SMYD3: variants seen among roughly 807,000 people sequenced by gnomAD.
The protein encoded by SMYD3 is SET and MYND domain containing 3.
In SMYD3, 36 loss-of-function variants were observed where a neutral mutation model predicts 57.7. That is an observed-to-expected ratio of 0.62 (90% CI 0.48 to 0.82). SMYD3 has a LOEUF of 0.82. Ranked by LOEUF, SMYD3 falls within the 40% of genes least tolerant of loss-of-function variation. SMYD3 has a pLI of 0.00. For missense variants in SMYD3, 515 were observed against 538.8 expected (o/e 0.96, Z 0.44); for synonymous variants, 211 against 195.0 (o/e 1.08, Z -0.68).
chr1:246,381,491 A>T (rs1469210718), intron 1 of SMYD3, among the ~76,000 whole-genome samples: 1 of 152,212 alleles, frequency 6.6e-6, no homozygotes, highest in African/African-American at 2.4e-5. Context: ...AGTTGCATAC[A>T]CAAACCGCAA....
chr1:245,767,982 T>C (rs1397632887), intron 10 of SMYD3, among the ~76,000 whole-genome samples: 1 of 152,066 alleles, frequency 6.6e-6, no homozygotes, highest in Non-Finnish European at 1.5e-5. Flanking sequence ...AAGAAGGACT[T>C]GGTACAAGAA....
intron 5 of SMYD3, among the ~76,000 whole-genome samples, chr1:246,089,180 T>C (rs969311572): frequency 4.6e-5 from 7 of 152,076 alleles, no homozygotes; most frequent in African/African-American, 1.7e-4. Context: ...GGTCTCACCA[T>C]GTTGCCCAGG....
At chr1:245,955,130 C>T (rs977188830) in intron 5 of SMYD3, among the ~76,000 whole-genome samples, 6 of 152,172 alleles carry the variant, frequency 3.9e-5, no homozygotes, top group Non-Finnish European at 4.4e-5. Context: ...CTCGCTCTGT[C>T]GCCCAGGCTG....
At chr1:245,984,673 T>A (rs1459677339) in intron 5 of SMYD3, among the ~76,000 whole-genome samples, 2 of 152,242 alleles carry the variant, frequency 1.3e-5, no homozygotes, top group African/African-American at 2.4e-5. Context: ...CAGAGCAGAC[T>A]CTGAGAACAA....
chr1:246,307,032 T>C (rs755305375), intron 5 of SMYD3, among the ~76,000 whole-genome samples: 1 of 152,274 alleles, frequency 6.6e-6, no homozygotes, highest in South Asian at 2.1e-4. Flanking sequence ...GAGCAATATA[T>C]TCTGAGAAAC....
chr1:245,856,336 T>C (rs909941470), intron 10 of SMYD3, among the ~76,000 whole-genome samples: 22 of 152,322 alleles, frequency 1.4e-4, no homozygotes, highest in African/African-American at 4.8e-4. Flanking sequence ...TCAATGCAGA[T>C]TGGATTTCTT....
chr1:246,084,195 C>CTTTT (rs772938424), intron 5 of SMYD3, among the ~76,000 whole-genome samples: 4 of 135,486 alleles, frequency 3.0e-5, no homozygotes, highest in African/African-American at 1.1e-4. Context: ...CTGACAATTC[C>CTTTT]TTTTTTTTTT....
At chr1:246,092,128 T>C (rs2060833644) in intron 5 of SMYD3, among the ~76,000 whole-genome samples, 1 of 152,228 alleles carries the variant, frequency 6.6e-6, no homozygotes. Context: ...ATGTATGTGG[T>C]ATTATACTTC....
chr1:245,960,006 G>A (rs10924406), intron 5 of SMYD3, among the ~76,000 whole-genome samples: 18,923 of 152,000 alleles, frequency 0.12, 1,508 homozygotes, highest in East Asian at 0.41. Flanking sequence ...TCTCAAACTC[G>A]TGACTCAAAT....
intron 5 of SMYD3, among the ~76,000 whole-genome samples, chr1:246,324,301 G>C (rs2065301274): frequency 6.6e-6 from 1 of 151,728 alleles, no homozygotes; most frequent in African/African-American, 2.4e-5. Context: ...TGTAATCCCA[G>C]CTCCTTGGGA....
chr1:246,468,168 A>G (rs2067907291), intron 1 of SMYD3, among the ~76,000 whole-genome samples: 2 of 151,654 alleles, frequency 1.3e-5, no homozygotes, highest in East Asian at 3.9e-4. Flanking sequence ...CTTAAAAAAA[A>G]AAAAAAAAGA....
chr1:246,196,942 A>G (rs2062837467), intron 5 of SMYD3, among the ~76,000 whole-genome samples: 3 of 152,118 alleles, frequency 2.0e-5, no homozygotes, highest in Non-Finnish European at 4.4e-5. Flanking sequence ...CAGGAAACAT[A>G]AAAAATAAGC....
intron 5 of SMYD3, among the ~76,000 whole-genome samples, chr1:245,982,145 G>A (rs998721039): frequency 6.7e-6 from 1 of 149,852 alleles, no homozygotes; most frequent in African/African-American, 2.4e-5. Flanking sequence ...ATCACATTTC[G>A]AGTTTTTGAG....
intron 5 of SMYD3, among the ~76,000 whole-genome samples, chr1:246,113,072 CTCAGGA>C: frequency 6.6e-6 from 1 of 152,158 alleles, no homozygotes; most frequent in South Asian, 2.1e-4. Context: ...ATCTCAGATA[CTCAGGA>C]GGCTGAGGCA....
At chr1:246,199,478 T>C (rs1558309808) in intron 5 of SMYD3, among the ~76,000 whole-genome samples, 2 of 152,260 alleles carry the variant, frequency 1.3e-5, no homozygotes, top group African/African-American at 4.8e-5. Context: ...CAGGGAACTT[T>C]GGTATACAGC....
At chr1:245,954,034 A>G (rs1410864372) in intron 5 of SMYD3, among the ~76,000 whole-genome samples, 1 of 152,252 alleles carries the variant, frequency 6.6e-6, no homozygotes, top group Non-Finnish European at 1.5e-5. Context: ...TGAAAGTAAT[A>G]CTTGGAAGCA....
intron 5 of SMYD3, chr1:245,953,366 T>C: frequency 1.0e-6 from 1 of 981,702 alleles, no homozygotes; most frequent in Non-Finnish European, 1.2e-6. Context: ...CTGAAAAAAA[T>C]AAAAAGTGAG....
intron 5 of SMYD3, among the ~76,000 whole-genome samples, chr1:246,018,262 G>T (rs1037985419): frequency 6.6e-6 from 1 of 152,104 alleles, no homozygotes; most frequent in East Asian, 1.9e-4. Context: ...TTTTATTCCA[G>T]TTCCTTCCCT....
chr1:245,979,382 AT>A (rs2058539652), intron 5 of SMYD3, among the ~76,000 whole-genome samples: 1 of 152,226 alleles, frequency 6.6e-6, no homozygotes, highest in Non-Finnish European at 1.5e-5. Flanking sequence ...TTATTTGGAA[AT>A]AAAGTCACTG....
Sources: gnomAD v4.1 joint callset for allele counts (sites outside exome capture counted in the v4.1 genomes callset) on GRCh38, gnomAD v4.1.1 for gene constraint, MANE v1.5 for transcripts, NCBI Gene and HGNC (gene_info 2026-07-23, HGNC 2026-07-21) for gene names.